Variants in SLC25A41 observed in about 807,000 individuals in gnomAD.
SLC25A41 encodes the protein mitochondrial carrier protein SCaMC-3L.
A neutral mutation model predicts 34.7 loss-of-function variants in SLC25A41; 35 were observed. That is an observed-to-expected ratio of 1.01 (90% CI 0.77 to 1.34). The LOEUF (loss-of-function observed/expected upper bound fraction) is 1.34, where lower values mean the gene tolerates loss of function less well. Among genes scored for constraint, SLC25A41 ranks in the 40% most tolerant of loss-of-function variants. The probability of loss-of-function intolerance (pLI) is 0.00; values close to 1 mark genes in which losing one functional copy is unlikely to be tolerated. For synonymous variants in SLC25A41, 190 were observed against 209.9 expected, an observed-to-expected ratio of 0.91 and a Z score of 0.82; for missense variants, 492 against 489.8, an observed-to-expected ratio of 1.00 and a Z score of -0.04.
intron 1 of SLC25A41, 150 bp from the exon 2 acceptor site, chr19:6,432,354 C>T (rs778085007): frequency 1.3e-5 from 11 of 859,732 alleles, no homozygotes; most frequent in Non-Finnish European, 1.6e-5. Context: ...GCTCTGCTGC[C>T]CAGGTTAGAG....
rs771471531 is a variant in SLC25A41, at chr19:6,430,065, T to C, written c.460A>G (p.Ile154Val). The C allele has an allele frequency of 2.5e-6, 4 of 1,612,220 alleles. No homozygotes were observed. In the South Asian group the frequency reaches 4.4e-5, roughly 18 times the overall value. Residue 154 changes from isoleucine (I) to valine (V), a missense_variant, in exon 3 of 7, where the codon ATC (isoleucine) becomes GTC (valine). Transcript: ENST00000321510. Reference sequence around the variant, plus strand: ...TCAGGAGCAATCTTGAGCACGTTGATGCCGTTGCCCCGCCACAGGGAGCGG... The same window carrying C: ...TCAGGAGCAATCTTGAGCACGTTGACGCCGTTGCCCCGCCACAGGGAGCGG... ...GFRSLWRGNG[I>V]NVLKIAPEYA...
In SLC25A41 at chr19:6,426,297, T is replaced by C; in HGVS notation, c.*92A>G. On this transcript the variant is annotated 3_prime_UTR_variant, in exon 7 of 7. Coordinates refer to ENST00000321510, the MANE Select transcript of SLC25A41 (RefSeq NM_173637.4). ...TGCCACCAAAAACTGCCCCAGGGCC[T>C]GAACCTTGAGGCCTCGAGGGCTCTT... 3.4e-6 allele frequency: 3 copies of C among 883,158 alleles called. No homozygotes were observed. The highest frequency in any genetic ancestry group is 5.8e-5 in the East Asian group (1 of 17,188). The allele number at this position is 883,158 out of a possible 1,614,324, so 54.7% of individuals were successfully genotyped here.
In SLC25A41 at chr19:6,429,142, ATAAT is replaced by A. The variant is rs1295175658; in HGVS notation, c.624+578_624+581del. On this transcript the variant is annotated intron_variant, in intron 4 of 6. Coordinates refer to ENST00000321510, the MANE Select transcript of SLC25A41 (RefSeq NM_173637.4). ...TATTATATATATGTTATATATATAT[ATAAT>A]ATATATATTATATATATAATATATA... Among the ~76,000 whole-genome samples the A allele has an allele frequency of 1.0e-3, 50 of 48,158 alleles. 9 individuals are homozygous for A. The highest frequency in any genetic ancestry group is 5.5e-3 in the African/African-American group (47 of 8,476). The allele number at this position is 48,158 out of a possible 152,430, so 31.6% of individuals were successfully genotyped here. A position where few individuals can be genotyped will look rare whatever the true frequency, so the allele number is the denominator to read the frequency against.
At chr19:6,426,604 C>G (rs762028586) in intron 6 of SLC25A41, 43 bp from the exon 7 acceptor site, 2 of 1,593,122 alleles carry the variant, frequency 1.3e-6, no homozygotes, top group South Asian at 1.1e-5. Context: ...CAGAGATGAC[C>G]GGGCCTCCTA....
chr19:6,436,215 G>A (rs1294121581), upstream of SLC25A41: 3 of 283,202 alleles, frequency 1.1e-5, no homozygotes, highest in African/African-American at 4.3e-5. Flanking sequence ...AGGAGCCGCT[G>A]AGCCGGCTGT....
chr19:6,429,373 AAAGGAAAGGAAGAGG>A, intron 4 of SLC25A41, among the ~76,000 whole-genome samples: 1 of 156 alleles, frequency 6.4e-3, no homozygotes, highest in Non-Finnish European at 0.013. Flanking sequence ...GAGGAGGGAG[AAAGGAAAGGAAGAGG>A]GGAGGAGAAG....
intron 2 of SLC25A41, among the ~76,000 whole-genome samples, 178 bp downstream of exon 2, chr19:6,431,871 A>G (rs2092286801): frequency 6.6e-6 from 1 of 152,016 alleles, no homozygotes; most frequent in Non-Finnish European, 1.5e-5. Context: ...ACTCCAAGCC[A>G]TGTCCACACC....
chr19:6,427,455 C>G lies in SLC25A41; in HGVS notation c.671G>C (p.Gly224Ala). The G allele has an allele frequency of 6.3e-7, 1 of 1,597,816 alleles. No individual in the cohort carries two copies. Among genetic ancestry groups the G allele is most frequent in the Non-Finnish European group, 8.5e-7 (1 of 1,170,364 alleles). Residue 224 changes from glycine to alanine, a missense_variant, in exon 5 of 7, where the codon GGG becomes GCG. Gly to Ala is a moderately conservative substitution (Grantham distance 60, BLOSUM62 0). Transcript: ENST00000321510. This position sits in a 1 kb window ranked among gnomAD's most constrained non-coding sequence, Gnocchi z 4.9. The part of the protein sequence containing the change: ...LTLRRTGQYK[G>A]LLDCARQILQ... ...GATCTGCCTGGCGCAGTCCAGCAGC[C>G]CCTTGTACTGGCCCGTCCGACGCAA... is the stretch of plus-strand genomic sequence containing the variant.
upstream of SLC25A41, chr19:6,435,972 G>C (rs4447540): frequency 6.4e-6 from 1 of 157,324 alleles, no homozygotes; most frequent in African/African-American, 2.4e-5. Context: ...AGTGAGCCAT[G>C]ATTGCACCCC....
In SLC25A41 at chr19:6,433,682, C is replaced by T. The variant is rs947930299; in HGVS notation, c.12G>A (p.Gln4=). ...AGCAAGTGTTCTGAGGTTCCCCAGG[C>T]TGAGCGCCCATGGAGGAAGTTAGGA... MGA[Q]PGEPQNTCSR... Residue 4 remains glutamine, a synonymous_variant, in exon 1 of 7, where the codon CAG becomes CAA. Coordinates refer to ENST00000321510, the MANE Select transcript of SLC25A41 (RefSeq NM_173637.4). 3.2e-6 allele frequency: 5 copies of T among 1,562,322 alleles called. No homozygotes were observed. The highest frequency in any genetic ancestry group is 4.3e-6 in the Non-Finnish European group (5 of 1,150,510).
rs962485711 is a variant in SLC25A41, at chr19:6,432,264, A to C, written c.208-60T>G. ...CCAGGTTGGGGCACCTTCCCCAGAC[A>C]CACATCTAGGGCACCCACCTGGTGA... On this transcript the variant is annotated intron_variant, in intron 1 of 6. Coordinates refer to ENST00000321510, the MANE Select transcript of SLC25A41 (RefSeq NM_173637.4). The C allele has an allele frequency of 4.8e-5, 76 of 1,567,570 alleles. No individual in the cohort carries two copies. In the African/African-American group the frequency reaches 9.3e-4, roughly 19 times the overall value.
chr19:6,435,752 G>A (rs960102143), upstream of SLC25A41, among the ~76,000 whole-genome samples: 3 of 152,156 alleles, frequency 2.0e-5, no homozygotes, highest in African/African-American at 4.8e-5. Flanking sequence ...AGCTACTTGG[G>A]AGGCTGAAGG....
Position 6,430,155 on chromosome 19 carries a change from A to G in SLC25A41, c.370T>C (p.Ser124Pro), listed in dbSNP as rs534819415. The G allele has an allele frequency of 2.8e-4, 452 of 1,611,534 alleles. 7 individuals are homozygous for G. In the South Asian group the frequency reaches 4.6e-3, roughly 16 times the overall value. The change falls in exon 3 of 7, where the codon TCC (serine) becomes CCC (proline). Residue 124 changes from serine (S) to proline (P), a missense_variant. By Grantham distance (74) the Ser-to-Pro change is moderately conservative. Coordinates refer to ENST00000321510, the MANE Select transcript of SLC25A41 (RefSeq NM_173637.4). ...AGGTTGGTGAAGTTCGTCTTGGAGG[A>G]GTAGACCTGGGTGGAGGGAGGACCC... The part of the protein sequence containing the change: ...DRAKVYMQVY[S>P]SKTNFTNLLG...
chr19:6,430,464 C>T, intron 2 of SLC25A41: 1 of 497,142 alleles, frequency 2.0e-6, no homozygotes, highest in Non-Finnish European at 3.6e-6. Context: ...TCCCTCCCTC[C>T]CTCCCTTCCT....
intron 2 of SLC25A41, 80 bp downstream of exon 2, chr19:6,431,969 T>C: frequency 6.6e-7 from 1 of 1,518,060 alleles, no homozygotes; most frequent in Non-Finnish European, 8.9e-7. Context: ...TCCATCCACG[T>C]CAACTCCATC....
Position 6,427,204 on chromosome 19 carries a change from G to C in SLC25A41, c.839C>G (p.Pro280Arg), listed in dbSNP as rs1300706509. 6.2e-7 allele frequency: 1 copy of C among 1,612,652 alleles called. No homozygotes were observed. Among genetic ancestry groups the C allele is most frequent in the South Asian group, 1.1e-5 (1 of 91,056 alleles). ...WVKSGRDMGD[P>R]SGLVSLSSVT... ...AGACGACAGACTGACCAGGCCACTG[G>C]GGTCCCCCATATCCCTGCCTGACTT... is the stretch of plus-strand genomic sequence containing the variant. The change falls in exon 6 of 7, where the codon CCC becomes CGC. Residue 280 changes from proline to arginine, a missense_variant. Physicochemically the swap from Pro to Arg is moderately radical, Grantham distance 103. Transcript: ENST00000321510. This position sits in a 1 kb window ranked among gnomAD's most constrained non-coding sequence, Gnocchi z 4.9.
In SLC25A41 at chr19:6,432,197, T is replaced by C; in HGVS notation, c.215A>G (p.Asp72Gly). ...LEHLPSQQVLDTGEQLMVPVE... is the reference protein window; with the variant it reads ...LEHLPSQQVLGTGEQLMVPVE... ...GGGGACCATCAGCTGCTCTCCTGTG[T>C]CCAGTACCTGCAGGGCAGACCCGGC... The change falls in exon 2 of 7, where the codon GAC becomes GGC. Residue 72 changes from aspartate (D) to glycine (G), a missense_variant. Physicochemically the swap from Asp to Gly is moderately conservative, Grantham distance 94. Coordinates refer to ENST00000321510, the MANE Select transcript of SLC25A41 (RefSeq NM_173637.4). 6.2e-7 allele frequency: 1 copy of C among 1,613,442 alleles called. No homozygotes were observed. The highest frequency in any genetic ancestry group is 1.3e-5 in the African/African-American group (1 of 75,008).
chr19:6,428,416 GA>G (rs1190681835), intron 4 of SLC25A41, among the ~76,000 whole-genome samples: 2 of 143,484 alleles, frequency 1.4e-5, no homozygotes, highest in Non-Finnish European at 3.0e-5. Flanking sequence ...AAAAAAAAAA[GA>G]AAAAGAAAGA....
At position 6,433,682 on chromosome 19, in the gene SLC25A41, C is replaced by A; in HGVS notation, c.12G>T (p.Gln4His). Residue 4 changes from glutamine to histidine, a missense_variant, in exon 1 of 7, where the codon CAG (glutamine) becomes CAT (histidine). Gln to His is a conservative substitution (Grantham distance 24, BLOSUM62 0). Transcript: ENST00000321510. Reference sequence around the variant, plus strand: ...AGCAAGTGTTCTGAGGTTCCCCAGGCTGAGCGCCCATGGAGGAAGTTAGGA... The same window carrying A: ...AGCAAGTGTTCTGAGGTTCCCCAGGATGAGCGCCCATGGAGGAAGTTAGGA... Reference protein sequence around the residue: MGAQPGEPQNTCSR... With the variant: MGAHPGEPQNTCSR... 3 of 1,562,324 alleles carry A rather than the reference C, an allele frequency of 1.9e-6. No homozygotes were observed. The highest frequency in any genetic ancestry group is 2.3e-5 in the East Asian group (1 of 44,230).
Sources: allele counts gnomAD v4.1 joint callset (sites outside exome capture counted in the v4.1 genomes callset), GRCh38; gene constraint gnomAD v4.1.1; non-coding constraint Gnocchi (gnomAD v3.1); transcripts MANE v1.5; gene names NCBI Gene and HGNC (gene_info 2026-07-23, HGNC 2026-07-21).